NR3C2: variants seen among roughly 807,000 people sequenced by gnomAD.
The protein encoded by NR3C2 is mineralocorticoid receptor.
A neutral mutation model predicts 86.4 loss-of-function variants in NR3C2; 15 were observed. The ratio of observed to expected loss-of-function variants is 0.17; its 90% CI spans 0.12 to 0.27. The LOEUF is 0.27. NR3C2 is among the 10% of genes least tolerant of loss of function. The pLI, the probability that NR3C2 is intolerant of heterozygous loss-of-function variation, is 1.00. For missense variants in NR3C2, 960 were observed against 1,195.6 expected (o/e 0.80, Z 2.91); for synonymous variants, 458 against 450.5 (o/e 1.02, Z -0.21).
intron 2 of NR3C2, among the ~76,000 whole-genome samples, chr4:148,281,288 G>A (rs1391044121): frequency 3.9e-5 from 6 of 152,174 alleles, no homozygotes; most frequent in African/African-American, 1.2e-4. Flanking sequence ...GCAGTTATAC[G>A]TAAATGCAGG....
chr4:148,085,145 C>T (rs1478146234), intron 8 of NR3C2, among the ~76,000 whole-genome samples: 1 of 152,180 alleles, frequency 6.6e-6, no homozygotes, highest in Non-Finnish European at 1.5e-5. Context: ...CTGGACCAAG[C>T]AGACCTAATA....
At position 148,263,602 on chromosome 4, in the gene NR3C2, A is replaced by AT. The variant is rs1296999689; in HGVS notation, c.1758-3486dup. Reference sequence around the variant, plus strand: ...TCATCCCTTCCGAATGCCACCATAAATAAAAATCTTAGTAGGACACTTAAA... The same window carrying AT: ...TCATCCCTTCCGAATGCCACCATAAATTAAAAATCTTAGTAGGACACTTAAA... On this transcript the variant is annotated intron_variant, in intron 2 of 8. Transcript: ENST00000358102. Among the ~76,000 whole-genome samples, 3 of 152,232 alleles carry AT rather than the reference A, an allele frequency of 2.0e-5. No homozygotes were observed. In the East Asian group the frequency reaches 5.8e-4, roughly 29 times the overall value.
intron 4 of NR3C2, among the ~76,000 whole-genome samples, chr4:148,174,657 A>G (rs1735285838): frequency 6.6e-6 from 1 of 152,150 alleles, no homozygotes; most frequent in African/African-American, 2.4e-5. Flanking sequence ...ACATGCGTCC[A>G]GGGTCTGAGG....
chr4:148,317,399 A>T (rs769068097), intron 2 of NR3C2, among the ~76,000 whole-genome samples: 65 of 151,956 alleles, frequency 4.3e-4, no homozygotes, highest in Non-Finnish European at 7.8e-4. Flanking sequence ...AAGAAAAAAG[A>T]CTACCTTAAA....
intron 3 of NR3C2, among the ~76,000 whole-genome samples, chr4:148,219,219 T>C (rs933135349): frequency 3.3e-5 from 5 of 152,222 alleles, no homozygotes; most frequent in African/African-American, 1.2e-4. Context: ...ACTAAAGACA[T>C]TGAATATCTT....
chr4:148,207,795 A>G (rs72947959), intron 3 of NR3C2, among the ~76,000 whole-genome samples: 24,902 of 152,194 alleles, frequency 0.16, 2,526 homozygotes, highest in African/African-American at 0.28. Flanking sequence ...AACCACAGAT[A>G]GTACCAAAAT....
At chr4:148,301,214 A>G (rs939815548) in intron 2 of NR3C2, among the ~76,000 whole-genome samples, 1 of 152,126 alleles carries the variant, frequency 6.6e-6, no homozygotes, top group Admixed American at 6.5e-5. Context: ...TGAGTGTGTA[A>G]TGTCTATTAA....
intron 2 of NR3C2, among the ~76,000 whole-genome samples, chr4:148,386,653 G>A (rs987212504): frequency 6.6e-6 from 1 of 152,148 alleles, no homozygotes; most frequent in Admixed American, 6.5e-5. Flanking sequence ...TCAGATATTG[G>A]CAGATCTAGG....
chr4:148,215,715 C>T (rs555121233), intron 3 of NR3C2, among the ~76,000 whole-genome samples: 45 of 151,732 alleles, frequency 3.0e-4, no homozygotes, highest in Non-Finnish European at 4.9e-4. Context: ...GCTCTGAACA[C>T]TGCAAAGATC....
chr4:148,103,314 G>A (rs1731626419), intron 8 of NR3C2, among the ~76,000 whole-genome samples: 1 of 152,112 alleles, frequency 6.6e-6, no homozygotes, highest in African/African-American at 2.4e-5. Flanking sequence ...TGCAAGCTCT[G>A]TCCTCACAGA....
At chr4:148,113,635 T>C (rs747585818) in intron 8 of NR3C2, among the ~76,000 whole-genome samples, 17 of 152,194 alleles carry the variant, frequency 1.1e-4, no homozygotes, top group Non-Finnish European at 2.1e-4. Flanking sequence ...AACTCAAGCA[T>C]ACCCTGAGAA....
chr4:148,330,387 A>G lies in NR3C2; in HGVS notation c.1758-70270T>C, dbSNP rs936134443. Reference sequence around the variant, plus strand: ...AAGTCCTGATGAAATAACCAGCTCTATTTTATCGATTTATAGCCCAGTGAT... The same window carrying G: ...AAGTCCTGATGAAATAACCAGCTCTGTTTTATCGATTTATAGCCCAGTGAT... On this transcript the variant is annotated intron_variant, in intron 2 of 8. Coordinates refer to ENST00000358102, the MANE Select transcript of NR3C2 (RefSeq NM_000901.5). Among the ~76,000 whole-genome samples, 6 of 152,106 alleles carry G rather than the reference A, an allele frequency of 3.9e-5. No homozygotes were observed. The East Asian group carries it at 1.2e-3, about 29-fold the overall frequency.
At chr4:148,171,671 C>T (rs183754149) in intron 4 of NR3C2, among the ~76,000 whole-genome samples, 52 of 152,338 alleles carry the variant, frequency 3.4e-4, no homozygotes, top group Middle Eastern at 6.8e-3. Flanking sequence ...TCCTGCTGTG[C>T]GGCCCAGTTC....
chr4:148,423,100 C>G (rs576553382), intron 2 of NR3C2, among the ~76,000 whole-genome samples: 2 of 152,210 alleles, frequency 1.3e-5, no homozygotes, highest in African/African-American at 4.8e-5. Context: ...CCATCCCAAC[C>G]AGTTGGGCTC....
intron 2 of NR3C2, among the ~76,000 whole-genome samples, chr4:148,291,666 T>G (rs1358316511): frequency 1.3e-5 from 2 of 152,102 alleles, no homozygotes; most frequent in Admixed American, 6.5e-5. Context: ...AACATTGTTT[T>G]AAAAGCTGAG....
intron 2 of NR3C2, among the ~76,000 whole-genome samples, chr4:148,310,068 T>G (rs1483591515): frequency 6.6e-6 from 1 of 152,188 alleles, no homozygotes; most frequent in Non-Finnish European, 1.5e-5. Context: ...ACGATATAAT[T>G]ATTTCATCAT....
At chr4:148,297,773 C>T (rs1390514598) in intron 2 of NR3C2, among the ~76,000 whole-genome samples, 1 of 151,772 alleles carries the variant, frequency 6.6e-6, no homozygotes, top group African/African-American at 2.4e-5. Flanking sequence ...TCTGTAATAC[C>T]AGCTACTCAG....
chr4:148,271,563 ATCTTTTCTAGATG>A (rs765417793), intron 2 of NR3C2, among the ~76,000 whole-genome samples: 8 of 152,284 alleles, frequency 5.3e-5, no homozygotes, highest in Non-Finnish European at 1.2e-4. Context: ...CTTAGCCACC[ATCTTTTCTAGATG>A]TCTTGCACGC....
At chr4:148,239,982 CAGG>C (rs1738940038) in intron 3 of NR3C2, among the ~76,000 whole-genome samples, 1 of 151,724 alleles carries the variant, frequency 6.6e-6, no homozygotes, top group Non-Finnish European at 1.5e-5. Flanking sequence ...GGAAGCACAG[CAGG>C]AGGTCATGTG....
Sources: allele counts gnomAD v4.1 joint callset (sites outside exome capture counted in the v4.1 genomes callset), GRCh38; gene constraint gnomAD v4.1.1; transcripts MANE v1.5; gene names NCBI Gene and HGNC (gene_info 2026-07-23, HGNC 2026-07-21).